The following BRINP2 variants were observed in gnomAD, a reference collection of about 807,000 sequenced individuals.
BRINP2 encodes BMP/retinoic acid-inducible neural-specific protein 2.
BRINP2 carries 21 observed loss-of-function variants against 69.2 expected under a neutral mutation model. That is an observed-to-expected ratio of 0.30 (90% CI 0.22 to 0.44). The LOEUF is 0.44. Ranked by LOEUF, BRINP2 falls within the 20% of genes least tolerant of loss-of-function variation. The probability of loss-of-function intolerance (pLI) is 1.00; values close to 1 mark genes in which losing one functional copy is unlikely to be tolerated. For synonymous variants in BRINP2, 380 were observed against 394.1 expected (o/e 0.96, Z 0.42); for missense variants, 877 against 986.0 (o/e 0.89, Z 1.48).
At chr1:177,236,128 T>C (rs975570109) in intron 2 of BRINP2, among the ~76,000 whole-genome samples, 2 of 152,160 alleles carry the variant, frequency 1.3e-5, no homozygotes, top group Non-Finnish European at 2.9e-5. Context: ...CAGAACAAAA[T>C]GTTTAGAGGT....
intron 1 of BRINP2, among the ~76,000 whole-genome samples, chr1:177,215,777 T>C (rs1649358828): frequency 6.6e-6 from 1 of 152,116 alleles, no homozygotes; most frequent in Admixed American, 6.5e-5. Flanking sequence ...TTCCAGAATT[T>C]AGAGGGAAGA....
chr1:177,277,963 A>G (rs1651553886), intron 6 of BRINP2, among the ~76,000 whole-genome samples: 1 of 152,198 alleles, frequency 6.6e-6, no homozygotes, highest in East Asian at 1.9e-4. Context: ...AATTTGCTGT[A>G]GGGCAGAATG....
In BRINP2 at chr1:177,230,112, G is replaced by A. The variant is rs748381466; in HGVS notation, c.236G>A (p.Arg79His). ...QEYADFMERY[R>H]QGFTTRYRIY... Reference sequence around the variant, plus strand: ...TATGCTGACTTCATGGAGCGGTACCGCCAGGGTTTCACCACCAGGTACAGG... The same window carrying A: ...TATGCTGACTTCATGGAGCGGTACCACCAGGGTTTCACCACCAGGTACAGG... Residue 79 changes from arginine to histidine, a missense_variant, in exon 2 of 8, where the codon CGC becomes CAC. By Grantham distance (29) the Arg-to-His change is conservative. Coordinates refer to ENST00000361539, the MANE Select transcript of BRINP2 (RefSeq NM_021165.4). The A allele has an allele frequency of 3.1e-6, 5 of 1,612,128 alleles. No homozygotes were observed. In the Admixed American group the frequency reaches 8.4e-5, roughly 27 times the overall value.
At chr1:177,270,825 C>A (rs539435360) in intron 4 of BRINP2, among the ~76,000 whole-genome samples, 79 of 152,202 alleles carry the variant, frequency 5.2e-4, no homozygotes, top group Non-Finnish European at 9.1e-4. Context: ...GAGGGGCAAA[C>A]TTCCCCAGAG....
At chr1:177,227,169 T>C (rs1649721423) in intron 1 of BRINP2, among the ~76,000 whole-genome samples, 2 of 152,126 alleles carry the variant, frequency 1.3e-5, no homozygotes, top group Admixed American at 6.5e-5. Context: ...GGGGACCATA[T>C]AGGGCATGCA....
chr1:177,186,008 A>G (rs151278654), intron 1 of BRINP2, among the ~76,000 whole-genome samples: 4 of 152,354 alleles, frequency 2.6e-5, no homozygotes, highest in African/African-American at 9.6e-5. Flanking sequence ...CCTCTGAAAG[A>G]TTTTGCTGTA....
chr1:177,265,479 A>G (rs1341781156), intron 4 of BRINP2, among the ~76,000 whole-genome samples: 2 of 152,144 alleles, frequency 1.3e-5, no homozygotes, highest in East Asian at 3.9e-4. Context: ...TATCCTGTTA[A>G]GTAGTTTTCT....
chr1:177,178,518 G>T (rs925940782), intron 1 of BRINP2, among the ~76,000 whole-genome samples: 2 of 152,096 alleles, frequency 1.3e-5, no homozygotes, highest in African/African-American at 4.8e-5. Context: ...GCTTCTTGAA[G>T]GGTTACTGAG....
chr1:177,211,511 G>A (rs1649221892), intron 1 of BRINP2, among the ~76,000 whole-genome samples: 1 of 152,104 alleles, frequency 6.6e-6, no homozygotes, highest in South Asian at 2.1e-4. Flanking sequence ...TGACCTTCAT[G>A]ACCTTAATAT....
chr1:177,185,240 A>C (rs1648393253), intron 1 of BRINP2, among the ~76,000 whole-genome samples: 1 of 152,184 alleles, frequency 6.6e-6, no homozygotes, highest in Non-Finnish European at 1.5e-5. Flanking sequence ...TGCACTTATC[A>C]CATTAGACCG....
intron 2 of BRINP2, among the ~76,000 whole-genome samples, chr1:177,235,659 G>A (rs541031874): frequency 6.6e-6 from 1 of 152,282 alleles, no homozygotes; most frequent in Admixed American, 6.5e-5. Flanking sequence ...TGGATAAACA[G>A]CGAACCCTGG....
At chr1:177,228,967 GAAGATCTGCTCTCAGGAGCTGGTATAGA>G (rs1232859377) in intron 1 of BRINP2, among the ~76,000 whole-genome samples, 1 of 152,204 alleles carries the variant, frequency 6.6e-6, no homozygotes, top group African/African-American at 2.4e-5. Context: ...AATGGTGTGT[GAAGATCTGCTCTCAGGAGCTGGTATAGA>G]AAGATACAGC....
intron 1 of BRINP2, among the ~76,000 whole-genome samples, chr1:177,202,481 GGTT>G (rs1389783378): frequency 6.6e-6 from 1 of 152,194 alleles, no homozygotes; most frequent in Non-Finnish European, 1.5e-5. Flanking sequence ...TTTAGGAGCA[GGTT>G]GTTCAGTTTC....
intron 2 of BRINP2, among the ~76,000 whole-genome samples, chr1:177,236,754 A>G (rs1391440912): frequency 6.6e-6 from 1 of 152,136 alleles, no homozygotes; most frequent in East Asian, 1.9e-4. Context: ...AAGTCATGGG[A>G]GCACTAGATG....
At chr1:177,261,911 G>GT (rs1650966961) in intron 4 of BRINP2, among the ~76,000 whole-genome samples, 3 of 152,298 alleles carry the variant, frequency 2.0e-5, no homozygotes, top group East Asian at 3.9e-4. Context: ...CACAAAAGAA[G>GT]TAACTGGCAA....
chr1:177,206,900 TA>T (rs1649083773), intron 1 of BRINP2, among the ~76,000 whole-genome samples: 1 of 152,112 alleles, frequency 6.6e-6, no homozygotes, highest in African/African-American at 2.4e-5. Flanking sequence ...TAGAAGAGAT[TA>T]GGGGCAAGAG....
intron 1 of BRINP2, among the ~76,000 whole-genome samples, chr1:177,198,812 A>G (rs917676888): frequency 6.6e-6 from 1 of 152,208 alleles, no homozygotes; most frequent in East Asian, 1.9e-4. Context: ...TAGAAAAGTC[A>G]GGTTAGCTCT....
intron 2 of BRINP2, among the ~76,000 whole-genome samples, chr1:177,238,932 A>G (rs917472180): frequency 2.0e-5 from 3 of 152,248 alleles, no homozygotes; most frequent in Non-Finnish European, 4.4e-5. Flanking sequence ...TGCTATTTGT[A>G]CACTTATATA....
chr1:177,255,996 C>T lies in BRINP2; in HGVS notation c.347C>T (p.Pro116Leu). Residue 116 changes from proline (P) to leucine (L), a missense_variant, in exon 3 of 8, where the codon CCA (proline) becomes CTA (leucine). By Grantham distance (98) the Pro-to-Leu change is moderately conservative. Transcript: ENST00000361539. ...DFFSLPLPLAPEFIRNIRLLG... is the reference protein window; with the variant it reads ...DFFSLPLPLALEFIRNIRLLG... Reference sequence around the variant, plus strand: ...TTCAGTTTGCCATTGCCTCTTGCCCCAGAGTTTATCCGGAACATTCGCCTC... The same window carrying T: ...TTCAGTTTGCCATTGCCTCTTGCCCTAGAGTTTATCCGGAACATTCGCCTC... 1 of 1,614,212 alleles carries T rather than the reference C, an allele frequency of 6.2e-7. No individual in the cohort carries two copies. The highest frequency in any genetic ancestry group is 8.5e-7 in the Non-Finnish European group (1 of 1,180,058).
Sources: gnomAD v4.1 joint callset for allele counts (sites outside exome capture counted in the v4.1 genomes callset) on GRCh38, gnomAD v4.1.1 for gene constraint, MANE v1.5 for transcripts, NCBI Gene and HGNC (gene_info 2026-07-23, HGNC 2026-07-21) for gene names.